Variants in ZNF563 observed in about 807,000 individuals in gnomAD.
ZNF563 encodes zinc finger protein 563.
In ZNF563, 39 loss-of-function variants were observed where a neutral mutation model predicts 48.5. That is an observed-to-expected ratio of 0.80 (90% CI 0.62 to 1.05). ZNF563 has a LOEUF of 1.05. ZNF563 is among the 50% of genes least tolerant of loss of function. ZNF563 has a pLI of 0.00. For synonymous variants in ZNF563, 168 were observed against 187.9 expected (o/e 0.89, Z 0.87); for missense variants, 538 against 597.0 (o/e 0.90, Z 1.03).
chr19:12,322,557 T>C (rs527498254), intron 2 of ZNF563, 28 bp downstream of exon 2: 12 of 1,568,104 alleles, frequency 7.7e-6, no homozygotes, highest in Admixed American at 1.9e-5. Flanking sequence ...CTGTAATTGA[T>C]TAAGTGAAGA....
At chr19:12,341,330 G>T in the ZNF563 span, among the ~76,000 whole-genome samples, 1 of 152,176 alleles carries the variant, frequency 6.6e-6, no homozygotes, top group Non-Finnish European at 1.5e-5. Flanking sequence ...TGGATTACAG[G>T]CATGAGCCAC....
At chr19:12,321,369 A>G (rs1241594634) in intron 2 of ZNF563, 37 bp from the exon 3 acceptor site, 2 of 1,356,032 alleles carry the variant, frequency 1.5e-6, no homozygotes, top group South Asian at 1.4e-5. Flanking sequence ...ATACATTATT[A>G]GAAAATTATA....
At chr19:12,338,620 G>A (rs1356748644), upstream of ZNF563, among the ~76,000 whole-genome samples, 2 of 152,084 alleles carry the variant, frequency 1.3e-5, no homozygotes, top group Non-Finnish European at 2.9e-5. Context: ...TTGGGAGGCC[G>A]AAGTGGGAGG....
chr19:12,323,497 G>A (rs886707330), intron 1 of ZNF563, among the ~76,000 whole-genome samples: 2 of 152,184 alleles, frequency 1.3e-5, no homozygotes, highest in African/African-American at 2.4e-5. Context: ...GAAGAGACCC[G>A]AGTTAGGCAC....
intron 1 of ZNF563, among the ~76,000 whole-genome samples, chr19:12,331,984 C>T (rs548092726): frequency 2.2e-4 from 34 of 152,298 alleles, no homozygotes; most frequent in African/African-American, 7.7e-4. Context: ...TCTGCATCCT[C>T]ACATATGAAA....
chr19:12,330,585 T>C (rs1968896937), intron 1 of ZNF563, among the ~76,000 whole-genome samples: 1 of 152,154 alleles, frequency 6.6e-6, no homozygotes, highest in Non-Finnish European at 1.5e-5. Context: ...CAGCAAATTC[T>C]GGAACAAGAG....
chr19:12,326,419 G>A (rs893112562), intron 1 of ZNF563, among the ~76,000 whole-genome samples: 33 of 152,032 alleles, frequency 2.2e-4, no homozygotes, highest in Admixed American at 2.0e-3. Context: ...CGAGGGGAGC[G>A]GATCACTTGA....
At chr19:12,344,338 G>A in the ZNF563 span, among the ~76,000 whole-genome samples, 1 of 150,182 alleles carries the variant, frequency 6.7e-6, no homozygotes, top group Non-Finnish European at 1.5e-5. Flanking sequence ...AGTCCAGCCT[G>A]GGCAACAGAG....
intron 1 of ZNF563, among the ~76,000 whole-genome samples, chr19:12,330,197 G>A (rs1027799665): frequency 2.6e-5 from 4 of 152,144 alleles, no homozygotes; most frequent in Non-Finnish European, 5.9e-5. Flanking sequence ...TAGGATTACA[G>A]GCATGAGCCA....
rs988342293 is a variant in ZNF563, at chr19:12,318,519, G to A, written c.*75C>T. On this transcript the variant is annotated 3_prime_UTR_variant, in exon 4 of 4. Transcript: ENST00000293725. ...GCTTTCCCACATTTACATTTATAGGGTTTCTGTCCAGTGTAAGTTTATTCA... is the reference window on the plus strand; with the variant it reads ...GCTTTCCCACATTTACATTTATAGGATTTCTGTCCAGTGTAAGTTTATTCA... 1.0e-5 allele frequency: 15 copies of A among 1,462,356 alleles called. No homozygotes were observed. Among genetic ancestry groups the A allele is most frequent in the Non-Finnish European group, 1.4e-5 (15 of 1,077,792 alleles). 90.6% of individuals were successfully genotyped at this position (1,462,356 alleles called of 1,614,324 possible).
the ZNF563 span, among the ~76,000 whole-genome samples, chr19:12,340,379 A>G: frequency 1.3e-5 from 2 of 152,138 alleles, no homozygotes; most frequent in Non-Finnish European, 2.9e-5. Flanking sequence ...GTAACCAGGC[A>G]TATAGTCACA....
intron 1 of ZNF563, among the ~76,000 whole-genome samples, chr19:12,324,505 G>C (rs1365425627): frequency 3.3e-5 from 5 of 152,024 alleles, no homozygotes; most frequent in African/African-American, 1.2e-4. Flanking sequence ...ATCACCTGAA[G>C]TCGGGAGTTC....
At chr19:12,342,536 G>A in the ZNF563 span, among the ~76,000 whole-genome samples, 32 of 151,574 alleles carry the variant, frequency 2.1e-4, no homozygotes, top group African/African-American at 7.7e-4. Flanking sequence ...AGTTTGAGAG[G>A]CCAAGATGGG....
chr19:12,323,137 A>G (rs778728442), intron 1 of ZNF563, among the ~76,000 whole-genome samples: 1 of 152,204 alleles, frequency 6.6e-6, no homozygotes, highest in African/African-American at 2.4e-5. Flanking sequence ...TAGGAACTGG[A>G]TTTAGGGAGT....
At chr19:12,343,994 G>C in the ZNF563 span, among the ~76,000 whole-genome samples, 1 of 151,976 alleles carries the variant, frequency 6.6e-6, no homozygotes, top group Non-Finnish European at 1.5e-5. Flanking sequence ...CTCCCAAAGT[G>C]CTGGGATTAC....
In ZNF563 at chr19:12,319,800, T is replaced by G. The variant is rs1968559731; in HGVS notation, c.225A>C (p.Lys75Asn). 5.6e-6 allele frequency: 9 copies of G among 1,613,354 alleles called. No individual in the cohort carries two copies. Among genetic ancestry groups the G allele is most frequent in the African/African-American group, 1.3e-5 (1 of 74,936 alleles). ...CHMVERFSES[K>N]DSSQCGETFS... ...ATGTTTCTCCACACTGACTACTGTC[T>G]TTACTTTCACTGAATCTCTCTACCA... Residue 75 changes from lysine to asparagine, a missense_variant, in exon 4 of 4, where the codon AAA becomes AAC. Physicochemically the swap from Lys to Asn is moderately conservative, Grantham distance 94. Coordinates refer to ENST00000293725, the MANE Select transcript of ZNF563 (RefSeq NM_145276.3).
chr19:12,333,368 G>T, intron 1 of ZNF563, 112 bp downstream of exon 1: 1 of 1,456,760 alleles, frequency 6.9e-7, no homozygotes, highest in South Asian at 1.2e-5. Flanking sequence ...GGGGACTCGG[G>T]TCCCAGACCC....
chr19:12,329,472 C>CAAAAA (rs754295632), intron 1 of ZNF563, among the ~76,000 whole-genome samples: 5 of 75,804 alleles, frequency 6.6e-5, no homozygotes, highest in Admixed American at 1.6e-4. Flanking sequence ...GACTCCATCT[C>CAAAAA]AAAAAAAAAA....
the ZNF563 span, chr19:12,347,315 T>G: frequency 6.6e-6 from 1 of 152,174 alleles, no homozygotes. Context: ...TTGAAATACC[T>G]TCTTCTGGAG....
Sources: allele counts gnomAD v4.1 joint callset (sites outside exome capture counted in the v4.1 genomes callset), GRCh38; gene constraint gnomAD v4.1.1; transcripts MANE v1.5; gene names NCBI Gene and HGNC (gene_info 2026-07-23, HGNC 2026-07-21).